Variants in CYP4Z1 observed in about 807,000 individuals in gnomAD.
CYP4Z1 encodes cytochrome P450 family 4 subfamily Z member 1.
A neutral mutation model predicts 54.2 loss-of-function variants in CYP4Z1; 41 were observed. The observed-to-expected ratio is 0.76, with a 90% confidence interval of 0.59 to 0.98. CYP4Z1 has a LOEUF of 0.98. Ranked by LOEUF, CYP4Z1 falls within the 50% of genes least tolerant of loss-of-function variation. The pLI is 0.00. For synonymous variants in CYP4Z1, 163 were observed against 206.2 expected (o/e 0.79, Z 1.79); for missense variants, 513 against 599.0 (o/e 0.86, Z 1.50).
At chr1:47,102,985 G>A (rs370218430) in intron 8 of CYP4Z1, among the ~76,000 whole-genome samples, 1 of 151,926 alleles carries the variant, frequency 6.6e-6, no homozygotes, top group Non-Finnish European at 1.5e-5. Context: ...ATTTGATGGT[G>A]TCTTATATGT....
At chr1:47,113,446 T>C (rs1644807496) in intron 9 of CYP4Z1, among the ~76,000 whole-genome samples, 1 of 152,216 alleles carries the variant, frequency 6.6e-6, no homozygotes, top group Admixed American at 6.5e-5. Context: ...TCTCTTCCAA[T>C]GGACTGTGAG....
chr1:47,116,581 GT>G, intron 10 of CYP4Z1, 68 bp from the exon 11 acceptor site: 2 of 1,063,532 alleles, frequency 1.9e-6, no homozygotes, highest in Non-Finnish European at 2.8e-6. Flanking sequence ...TTTCGTTTTT[GT>G]TTTTGTTTTT....
chr1:47,102,282 T>C (rs1320747408), intron 8 of CYP4Z1, among the ~76,000 whole-genome samples: 1 of 152,238 alleles, frequency 6.6e-6, no homozygotes, highest in East Asian at 1.9e-4. Context: ...GGCATATTCC[T>C]GTCATTTTAT....
At chr1:47,115,386 T>G (rs1461140370) in intron 9 of CYP4Z1, 143 bp from the exon 10 acceptor site, 7 of 666,002 alleles carry the variant, frequency 1.1e-5, no homozygotes, top group Non-Finnish European at 1.8e-5. Context: ...ACATGGCACA[T>G]GTATACATAT....
chr1:47,069,863 CT>C (rs1644479312), intron 2 of CYP4Z1, among the ~76,000 whole-genome samples: 1 of 128,328 alleles, frequency 7.8e-6, no homozygotes, highest in Non-Finnish European at 1.6e-5. Context: ...CCCTCTCTTG[CT>C]TTTTTTCTCT....
rs140534372 is a variant in CYP4Z1 at position 47,091,777 on chromosome 1, G to A, written c.773-2789G>A. ...GAGGCTTTTTTTTGCTAGTAGAGCT[G>A]TTATGACGATGGTTTGGAAACACGT... is the stretch of plus-strand genomic sequence containing the variant. On this transcript the variant is annotated intron_variant, in intron 6 of 11. Coordinates refer to ENST00000334194, the MANE Select transcript of CYP4Z1 (RefSeq NM_178134.3). Among the ~76,000 whole-genome samples, 717 of 149,818 alleles carry A rather than the reference G, an allele frequency of 4.8e-3. 18 individuals carry two copies. The highest frequency in any genetic ancestry group is 0.016 in the African/African-American group (676 of 41,132).
At chr1:47,076,818 C>G (rs1420356338) in intron 2 of CYP4Z1, among the ~76,000 whole-genome samples, 1 of 122,500 alleles carries the variant, frequency 8.2e-6, no homozygotes, top group Non-Finnish European at 1.6e-5. Flanking sequence ...GCACTCCAGC[C>G]TGGGCGACAG....
rs779049952 is a variant in CYP4Z1, at chr1:47,068,686, C to T, written c.242C>T (p.Pro81Leu). Residue 81 changes from proline (P) to leucine (L), a missense_variant, in exon 2 of 12, where the codon CCC becomes CTC. Coordinates refer to ENST00000334194, the MANE Select transcript of CYP4Z1 (RefSeq NM_178134.3). The part of the protein sequence containing the change: ...KLMEKYPCAV[P>L]LWVGPFTMFF... ...ATGGAAAAATACCCATGTGCTGTTC[C>T]CTTGTGGGTTGGACCCTTTACGATG... 9.9e-6 allele frequency: 16 copies of T among 1,614,008 alleles called. No individual in the cohort carries two copies. Among genetic ancestry groups the T allele is most frequent in the African/African-American group, 4.0e-5 (3 of 74,908 alleles).
intron 9 of CYP4Z1, 87 bp from the exon 10 acceptor site, chr1:47,115,435 TTAAAGTA>T (rs1644822768): frequency 3.4e-6 from 4 of 1,178,168 alleles, no homozygotes; most frequent in Non-Finnish European, 4.9e-6. Flanking sequence ...ACCCTAAAAC[TTAAAGTA>T]TAATTTTAAA....
chr1:47,100,994 C>T (rs1193833214), intron 8 of CYP4Z1, among the ~76,000 whole-genome samples: 13 of 152,120 alleles, frequency 8.5e-5, no homozygotes, highest in African/African-American at 2.4e-4. Context: ...GTAGGTTGAA[C>T]GTTTCCAGGA....
At chr1:47,102,065 CT>C (rs1644725636) in intron 8 of CYP4Z1, among the ~76,000 whole-genome samples, 1 of 152,028 alleles carries the variant, frequency 6.6e-6, no homozygotes, top group African/African-American at 2.4e-5. Context: ...ATAAACATAG[CT>C]CCTCCTACTC....
In CYP4Z1 at chr1:47,094,344, A is replaced by C. The variant is rs144583228; in HGVS notation, c.773-222A>C. 4.9e-3 allele frequency among the ~76,000 whole-genome samples: 742 copies of C among 152,310 alleles called. 8 individuals carry two copies. The highest frequency in any genetic ancestry group is 0.017 in the African/African-American group (696 of 41,548). Reference sequence around the variant, plus strand: ...TACAACAACCCTGTGTGATACATTTAAACATCCTTATTTGAAGGAAGAGAA... The same window carrying C: ...TACAACAACCCTGTGTGATACATTTCAACATCCTTATTTGAAGGAAGAGAA... On this transcript the variant is annotated intron_variant, in intron 6 of 11. Coordinates refer to ENST00000334194, the MANE Select transcript of CYP4Z1 (RefSeq NM_178134.3).
intron 7 of CYP4Z1, 137 bp from the exon 8 acceptor site, chr1:47,098,957 T>C (rs1039308607): frequency 6.7e-6 from 7 of 1,040,618 alleles, no homozygotes; most frequent in Non-Finnish European, 8.4e-6. Flanking sequence ...AAAAGTAAAA[T>C]AGAAAAATAT....
chr1:47,061,326 A>G, the CYP4Z1 span, among the ~76,000 whole-genome samples: 1 of 152,180 alleles, frequency 6.6e-6, no homozygotes, highest in Non-Finnish European at 1.5e-5. Flanking sequence ...CCAAATAGAC[A>G]CAATTAGAAA....
chr1:47,113,634 A>G (rs2148542802), intron 9 of CYP4Z1, among the ~76,000 whole-genome samples: 1 of 152,364 alleles, frequency 6.6e-6, no homozygotes, highest in Middle Eastern at 3.4e-3. Flanking sequence ...GATCACAAGC[A>G]TTCTTATACA....
chr1:47,104,423 T>C (rs993781083), intron 8 of CYP4Z1, among the ~76,000 whole-genome samples: 5 of 152,190 alleles, frequency 3.3e-5, no homozygotes, highest in Admixed American at 3.3e-4. Context: ...GCAGACCAAC[T>C]CTTTCCAGGT....
chr1:47,110,530 C>G (rs1045725028), intron 9 of CYP4Z1, among the ~76,000 whole-genome samples: 22 of 151,444 alleles, frequency 1.5e-4, no homozygotes, highest in Non-Finnish European at 2.8e-4. Context: ...TCCCTCCAGC[C>G]TGGGCAACAT....
upstream of CYP4Z1, among the ~76,000 whole-genome samples, chr1:47,066,034 A>AT (rs1013350828): frequency 6.6e-6 from 1 of 151,956 alleles, no homozygotes; most frequent in Non-Finnish European, 1.5e-5. Context: ...TGAAATTGTA[A>AT]TTTTTTTTAA....
intron 7 of CYP4Z1, 89 bp from the exon 8 acceptor site, chr1:47,099,005 A>G (rs1020885751): frequency 6.8e-7 from 1 of 1,477,988 alleles, no homozygotes; most frequent in Non-Finnish European, 9.4e-7. Context: ...ATTTTACAAC[A>G]TTAATCTTTT....
Sources: gnomAD v4.1 joint callset for allele counts (sites outside exome capture counted in the v4.1 genomes callset) on GRCh38, gnomAD v4.1.1 for gene constraint, MANE v1.5 for transcripts, NCBI Gene and HGNC (gene_info 2026-07-23, HGNC 2026-07-21) for gene names.